The following EFEMP1 variants were observed in gnomAD, a reference collection of about 807,000 sequenced individuals.
EFEMP1 encodes the protein EGF-containing fibulin-like extracellular matrix protein 1.
In EFEMP1, 18 loss-of-function variants were observed where a neutral mutation model predicts 65.7. That is an observed-to-expected ratio of 0.27 (90% CI 0.19 to 0.41). The LOEUF is 0.41. Ranked by LOEUF, EFEMP1 falls within the 10% of genes least tolerant of loss-of-function variation. EFEMP1 has a pLI of 1.00. For missense variants in EFEMP1, 469 were observed against 624.8 expected (o/e 0.75, Z 2.66); for synonymous variants, 237 against 219.7 (o/e 1.08, Z -0.70).
intron 5 of EFEMP1, among the ~76,000 whole-genome samples, chr2:55,904,475 A>C (rs1670167473): frequency 6.6e-6 from 1 of 152,168 alleles, no homozygotes; most frequent in African/African-American, 2.4e-5. Context: ...GTGTTTCCAG[A>C]ATAGACAGCA....
At chr2:55,879,090 A>T (rs1457611991) in intron 6 of EFEMP1, among the ~76,000 whole-genome samples, 1 of 152,106 alleles carries the variant, frequency 6.6e-6, no homozygotes, top group Non-Finnish European at 1.5e-5. Flanking sequence ...ACCTTGCTTT[A>T]GACTTCTTTG....
chr2:55,885,485 A>C lies in EFEMP1; in HGVS notation c.518-3751T>G, dbSNP rs746325288. On this transcript the variant is annotated intron_variant, in intron 5 of 11. Coordinates refer to ENST00000355426, the MANE Select transcript of EFEMP1 (RefSeq NM_001039348.3). The surrounding 1 kb of genome is among the most constrained non-coding windows in gnomAD (Gnocchi z 4.3). ...TATGTAGACAGAGCCTAATGTTAACATTACCAAAGAACAAAATAATAGATT... is the reference window on the plus strand; with the variant it reads ...TATGTAGACAGAGCCTAATGTTAACCTTACCAAAGAACAAAATAATAGATT... Among the ~76,000 whole-genome samples the C allele has an allele frequency of 5.9e-5, 9 of 152,236 alleles. No individual in the cohort carries two copies. Among genetic ancestry groups the C allele is most frequent in the Middle Eastern group, 3.2e-3 (1 of 316 alleles).
At chr2:55,914,774 T>C (rs1420066143) in intron 5 of EFEMP1, among the ~76,000 whole-genome samples, 1 of 152,210 alleles carries the variant, frequency 6.6e-6, no homozygotes, top group African/African-American at 2.4e-5. Flanking sequence ...TGGGCATAAA[T>C]ATGCAACATT....
At chr2:55,904,120 T>C (rs1288971215) in intron 5 of EFEMP1, among the ~76,000 whole-genome samples, 1 of 152,148 alleles carries the variant, frequency 6.6e-6, no homozygotes, top group Non-Finnish European at 1.5e-5. Flanking sequence ...AGGTACTCCC[T>C]GAATTTTTGC....
intron 9 of EFEMP1, among the ~76,000 whole-genome samples, chr2:55,874,318 C>CT (rs879842405): frequency 1.8e-4 from 26 of 143,890 alleles, no homozygotes; most frequent in East Asian, 4.0e-4. Flanking sequence ...AGGTAGGGTC[C>CT]TTTTTTTTTT....
intron 7 of EFEMP1, 152 bp from the exon 8 acceptor site, chr2:55,876,894 G>A (rs1216170633): frequency 5.6e-6 from 2 of 357,676 alleles, no homozygotes; most frequent in African/African-American, 2.2e-5. Context: ...CCCTGCAGAA[G>A]CTCACTGGAG....
rs1310297157 is a variant in EFEMP1, at chr2:55,906,781, G to A, written c.517+10884C>T. On this transcript the variant is annotated intron_variant, in intron 5 of 11. Coordinates refer to ENST00000355426, the MANE Select transcript of EFEMP1 (RefSeq NM_001039348.3). The stretch of plus-strand genomic sequence containing the variant: ...TGAAAAAGCTTGGAGATTCAGTTCA[G>A]TCCCAGATAAGTCATTTTTGAATCC... Among the ~76,000 whole-genome samples the A allele has an allele frequency of 2.0e-5, 3 of 152,178 alleles. No homozygotes were observed. In the East Asian group the frequency reaches 5.8e-4, roughly 29 times the overall value.
At chr2:55,907,400 T>A in intron 5 of EFEMP1, among the ~76,000 whole-genome samples, 1 of 152,324 alleles carries the variant, frequency 6.6e-6, no homozygotes, top group Non-Finnish European at 1.5e-5. Flanking sequence ...TTATTTCTCT[T>A]GGGATATACT....
Position 55,871,710 on chromosome 2 carries a change from AG to A in EFEMP1, c.1001-588del, listed in dbSNP as rs1029545477. On this transcript the variant is annotated intron_variant, in intron 9 of 11. Coordinates refer to ENST00000355426, the MANE Select transcript of EFEMP1 (RefSeq NM_001039348.3). The surrounding 1 kb of genome is among the most constrained non-coding windows in gnomAD (Gnocchi z 4.2). ...TGGAGGGCAGCTTATCATCTCTTTC[AG>A]GAACTTGGGAGAAAGGTAAAGGCTA... Among the ~76,000 whole-genome samples the A allele has an allele frequency of 1.3e-5, 2 of 151,988 alleles. No individual in the cohort carries two copies. The highest frequency in any genetic ancestry group is 4.8e-5 in the African/African-American group (2 of 41,412).
rs959666210 is a variant in EFEMP1 at position 55,917,187 on chromosome 2, G to A, written c.517+478C>T. 1.3e-5 allele frequency among the ~76,000 whole-genome samples: 2 copies of A among 152,200 alleles called. No individual in the cohort carries two copies. Among genetic ancestry groups the A allele is most frequent in the Non-Finnish European group, 2.9e-5 (2 of 68,040 alleles). On this transcript the variant is annotated intron_variant, in intron 5 of 11. Transcript: ENST00000355426. This position sits in a 1 kb window ranked among gnomAD's most constrained non-coding sequence, Gnocchi z 6.3. ...TTGACAGCATAATTTCAAATTCCCAGTGAATAACCTGATGGTGACTTTTGC... is the reference window on the plus strand; with the variant it reads ...TTGACAGCATAATTTCAAATTCCCAATGAATAACCTGATGGTGACTTTTGC...
chr2:55,887,891 A>G (rs1385155923), intron 5 of EFEMP1, among the ~76,000 whole-genome samples: 1 of 152,154 alleles, frequency 6.6e-6, no homozygotes, highest in Non-Finnish European at 1.5e-5. Flanking sequence ...TTCTCATAGG[A>G]AAAAAATCAT....
At chr2:55,875,335 T>TACACACACACACACACAC (rs768780443) in intron 8 of EFEMP1, among the ~76,000 whole-genome samples, 1 of 125,396 alleles carries the variant, frequency 8.0e-6, no homozygotes, top group African/African-American at 3.2e-5. Flanking sequence ...GTTTCATATA[T>TACACACACACACACACAC]ACACACACAC....
chr2:55,897,319 C>T (rs1458467377), intron 5 of EFEMP1, among the ~76,000 whole-genome samples: 1 of 152,166 alleles, frequency 6.6e-6, no homozygotes, highest in Admixed American at 6.5e-5. Flanking sequence ...GGGTTTTGTG[C>T]TATCTCCCCA....
rs1398135280 is a variant in EFEMP1 at position 55,900,145 on chromosome 2, C to A, written c.517+17520G>T. On this transcript the variant is annotated intron_variant, in intron 5 of 11. Transcript: ENST00000355426. Reference sequence around the variant, plus strand: ...AGTGGCAGAAAGGATAATCCTTAAACTGTCATTTTAGAGTTGGTGATGAGG... The same window carrying A: ...AGTGGCAGAAAGGATAATCCTTAAAATGTCATTTTAGAGTTGGTGATGAGG... Among the ~76,000 whole-genome samples the A allele has an allele frequency of 2.6e-5, 4 of 152,308 alleles. No individual in the cohort carries two copies. In the East Asian group the frequency reaches 7.7e-4, roughly 29 times the overall value.
chr2:55,870,651 CA>C lies in EFEMP1; in HGVS notation c.1320+68del. The stretch of plus-strand genomic sequence containing the variant: ...TCCACATGTGGATACCACACAACAA[CA>C]ACAACAACAACAACAACAACAAACT... On this transcript the variant is annotated intron_variant, in intron 11 of 11. Coordinates refer to ENST00000355426, the MANE Select transcript of EFEMP1 (RefSeq NM_001039348.3). The surrounding 1 kb of genome is among the most constrained non-coding windows in gnomAD (Gnocchi z 5.8). 1 of 1,582,812 alleles carries C rather than the reference CA, an allele frequency of 6.3e-7. No homozygotes were observed. The highest frequency in any genetic ancestry group is 8.7e-7 in the Non-Finnish European group (1 of 1,155,738).
Position 55,883,311 on chromosome 2 carries a change from T to C in EFEMP1, c.518-1577A>G, listed in dbSNP as rs1178737025. Among the ~76,000 whole-genome samples the C allele has an allele frequency of 6.6e-6, 1 of 152,228 alleles. No homozygotes were observed. Among genetic ancestry groups the C allele is most frequent in the Admixed American group, 6.5e-5 (1 of 15,278 alleles). The stretch of plus-strand genomic sequence containing the variant: ...TATTTTCAAGTCAGTGATTACAAAC[T>C]GTCCTTTTTAGGTACTATGCGATGG... On this transcript the variant is annotated intron_variant, in intron 5 of 11. Transcript: ENST00000355426. This position sits in a 1 kb window ranked among gnomAD's most constrained non-coding sequence, Gnocchi z 4.5.
chr2:55,902,339 A>C (rs1391728939), intron 5 of EFEMP1, among the ~76,000 whole-genome samples: 1 of 152,200 alleles, frequency 6.6e-6, no homozygotes, highest in East Asian at 1.9e-4. Flanking sequence ...TTCAGACTTT[A>C]AACAGATAGT....
chr2:55,883,271 A>G lies in EFEMP1; in HGVS notation c.518-1537T>C, dbSNP rs1669312059. ...TTTGTTTTGTTTTGAAATTTATTATAATTACTACTAGTATTATTTTCAAGT... is the reference window on the plus strand; with the variant it reads ...TTTGTTTTGTTTTGAAATTTATTATGATTACTACTAGTATTATTTTCAAGT... On this transcript the variant is annotated intron_variant, in intron 5 of 11. Coordinates refer to ENST00000355426, the MANE Select transcript of EFEMP1 (RefSeq NM_001039348.3). This position sits in a 1 kb window ranked among gnomAD's most constrained non-coding sequence, Gnocchi z 4.5. 1.3e-5 allele frequency among the ~76,000 whole-genome samples: 2 copies of G among 152,176 alleles called. No homozygotes were observed. The highest frequency in any genetic ancestry group is 4.1e-4 in the South Asian group (2 of 4,828).
chr2:55,900,663 C>T (rs1416812554), intron 5 of EFEMP1, among the ~76,000 whole-genome samples: 1 of 84,460 alleles, frequency 1.2e-5, no homozygotes, highest in African/African-American at 9.8e-5. Context: ...AGCCTTTTCT[C>T]TATTTTTCTC....
Sources: gnomAD v4.1 joint callset for allele counts (sites outside exome capture counted in the v4.1 genomes callset) on GRCh38, gnomAD v4.1.1 for gene constraint, Gnocchi (gnomAD v3.1) non-coding constraint, MANE v1.5 for transcripts, NCBI Gene and HGNC (gene_info 2026-07-23, HGNC 2026-07-21) for gene names.